RNF216: variants seen among roughly 807,000 people sequenced by gnomAD.
RNF216 encodes the protein ring finger protein 216, also known as E3 ubiquitin-protein ligase RNF216.
RNF216 carries 72 observed loss-of-function variants against 110.8 expected under a neutral mutation model. The observed-to-expected ratio is 0.65, with a 90% CI of 0.54 to 0.79. The LOEUF (loss-of-function observed/expected upper bound fraction) is 0.79. Ranked by LOEUF, RNF216 falls within the 30% of genes least tolerant of loss-of-function variation. The pLI is 0.00. For missense variants in RNF216, 1,342 were observed against 1,141.2 expected, an observed-to-expected ratio of 1.18 and a Z score of -2.54; for synonymous variants, 495 against 407.5, an observed-to-expected ratio of 1.21 and a Z score of -2.59.
At chr7:5,660,943 GTTTTTTTTTTTTT>G (rs1168463360) in intron 13 of RNF216, among the ~76,000 whole-genome samples, 10 of 90,150 alleles carry the variant, frequency 1.1e-4, no homozygotes, top group Admixed American at 7.2e-4. Flanking sequence ...GAAGCCTTAG[GTTTTTTTTTTTTT>G]TTTTTTTTTT....
chr7:5,674,521 G>A (rs890328360), intron 13 of RNF216, among the ~76,000 whole-genome samples: 10 of 151,552 alleles, frequency 6.6e-5, no homozygotes, highest in African/African-American at 1.2e-4. Context: ...CCAGCTAATC[G>A]GGAGGCCAAG....
intron 5 of RNF216, among the ~76,000 whole-genome samples, chr7:5,735,798 T>C (rs1478915758): frequency 6.6e-6 from 1 of 152,172 alleles, no homozygotes; most frequent in East Asian, 1.9e-4. Flanking sequence ...GTAAAATTGA[T>C]AAAGATTAAG....
intron 3 of RNF216, among the ~76,000 whole-genome samples, chr7:5,749,147 G>A (rs956402761): frequency 9.5e-6 from 1 of 105,160 alleles, no homozygotes; most frequent in Non-Finnish European, 1.8e-5. Flanking sequence ...AAATGCCCAT[G>A]TATTTTTTTT....
intron 8 of RNF216, among the ~76,000 whole-genome samples, chr7:5,724,547 A>G (rs973899479): frequency 5.3e-5 from 8 of 152,208 alleles, no homozygotes; most frequent in Non-Finnish European, 7.4e-5. Context: ...GGCGAATGTC[A>G]TGTCAGCAGA....
rs1786612299 is a variant in RNF216, at chr7:5,624,890, C to G, written c.2383-765G>C. On this transcript the variant is annotated intron_variant, in intron 15 of 16. Transcript: ENST00000389902. This position sits in a 1 kb window ranked among gnomAD's most constrained non-coding sequence, Gnocchi z 4.4. ...CCACATGCAGCTCCCACACCCCCACCTGCCAGCAGACACCATGGTGGGAGG... is the reference window on the plus strand; with the variant it reads ...CCACATGCAGCTCCCACACCCCCACGTGCCAGCAGACACCATGGTGGGAGG... 6.6e-6 allele frequency among the ~76,000 whole-genome samples: 1 copy of G among 152,278 alleles called. No individual in the cohort carries two copies. Among genetic ancestry groups the G allele is most frequent in the African/African-American group, 2.4e-5 (1 of 41,482 alleles).
At chr7:5,659,640 G>A (rs1174189267) in intron 13 of RNF216, among the ~76,000 whole-genome samples, 1 of 152,226 alleles carries the variant, frequency 6.6e-6, no homozygotes, top group Non-Finnish European at 1.5e-5. Context: ...TGCTGGGGTT[G>A]TAGGACCTTG....
intron 1 of RNF216, chr7:5,779,901 C>T (rs1796988535): frequency 6.6e-6 from 1 of 151,396 alleles, no homozygotes; most frequent in Admixed American, 6.6e-5. Context: ...GGACATACTA[C>T]ATCTAAAACG....
At chr7:5,639,181 G>A (rs1274697896) in intron 15 of RNF216, among the ~76,000 whole-genome samples, 1 of 152,118 alleles carries the variant, frequency 6.6e-6, no homozygotes, top group East Asian at 1.9e-4. Context: ...TTAAGAGATA[G>A]GGAAGCAGGC....
At position 5,741,272 on chromosome 7, in the gene RNF216, C is replaced by A. The variant is rs200838092; in HGVS notation, c.745G>T (p.Val249Phe). ...NQQPREITNQ[V>F]VPQERQPEAE... The stretch of plus-strand genomic sequence containing the variant: ...TCAGGCTGCCGTTCCTGAGGAACGA[C>A]CTGGTTTGTTATTTCACGGGGCTGT... The change falls in exon 4 of 17, where the codon GTC (valine) becomes TTC (phenylalanine). Residue 249 changes from valine to phenylalanine, a missense_variant. Val to Phe is a conservative substitution (Grantham distance 50, BLOSUM62 -1). Coordinates refer to ENST00000389902, the MANE Select transcript of RNF216 (RefSeq NM_207111.4). 1.4e-4 allele frequency: 218 copies of A among 1,614,072 alleles called. No individual in the cohort carries two copies. The East Asian group carries it at 2.2e-3, about 16-fold the overall frequency.
chr7:5,675,303 G>C (rs1195515957), intron 13 of RNF216, among the ~76,000 whole-genome samples: 1 of 152,148 alleles, frequency 6.6e-6, no homozygotes, highest in East Asian at 1.9e-4. Flanking sequence ...AAGCCCCAGA[G>C]GGGACAGGCT....
intron 14 of RNF216, among the ~76,000 whole-genome samples, chr7:5,641,673 T>G (rs548222929): frequency 1.3e-5 from 2 of 152,176 alleles, no homozygotes; most frequent in Admixed American, 6.5e-5. Context: ...TACCCTGGCA[T>G]AGTGCCCAGT....
intron 13 of RNF216, among the ~76,000 whole-genome samples, chr7:5,704,389 G>A (rs1302939978): frequency 2.0e-5 from 3 of 152,180 alleles, no homozygotes; most frequent in East Asian, 3.8e-4. Flanking sequence ...TTAAATATCA[G>A]GAATCCTCAA....
At chr7:5,776,594 CAA>C (rs35304255) in intron 1 of RNF216, among the ~76,000 whole-genome samples, 8 of 62,460 alleles carry the variant, frequency 1.3e-4, no homozygotes, top group South Asian at 6.1e-4. Context: ...GACTCCGTCT[CAA>C]AAAAAAAAAA....
rs762819460 is a variant in RNF216 at position 5,624,120 on chromosome 7, A to G, written c.2388T>C (p.Asp796=). 3.0e-5 allele frequency: 48 copies of G among 1,613,140 alleles called. No individual in the cohort carries two copies. The highest frequency in any genetic ancestry group is 1.9e-4 in the South Asian group (17 of 90,998). The change falls in exon 16 of 17, where the codon GAT becomes GAC. Residue 796 remains aspartate (D), a synonymous_variant. Transcript: ENST00000389902. This position sits in a 1 kb window ranked among gnomAD's most constrained non-coding sequence, Gnocchi z 4.4. ...RCSLWTDPTE[D]DEKLIEEIQK... is the part of the protein sequence containing the mutation. ...GGATTTCCTCAATAAGCTTCTCATC[A>G]TCTTCCTAAAACGCAAGCAATGAGA...
intron 13 of RNF216, among the ~76,000 whole-genome samples, chr7:5,705,870 G>A (rs1190115640): frequency 6.6e-6 from 1 of 151,666 alleles, no homozygotes; most frequent in East Asian, 1.9e-4. Context: ...TCATACCATT[G>A]CACTCCAGCC....
At chr7:5,672,169 G>A (rs1430522083) in intron 13 of RNF216, among the ~76,000 whole-genome samples, 1 of 152,160 alleles carries the variant, frequency 6.6e-6, no homozygotes, top group East Asian at 1.9e-4. Context: ...CCTGATTCTG[G>A]GAGACAGATG....
At chr7:5,701,593 T>G (rs1261686583) in intron 13 of RNF216, among the ~76,000 whole-genome samples, 1 of 152,218 alleles carries the variant, frequency 6.6e-6, no homozygotes, top group Non-Finnish European at 1.5e-5. Flanking sequence ...GGAAAGGAAA[T>G]GTGGCTTAGG....
rs149012430 is a variant in RNF216, at chr7:5,623,088, G to T, written c.2544C>A (p.Asn848Lys). ...AGGGTGGCATCTGTGGCTGTGGCAG[G>T]TTCTGCGGAACGGGCCTCGGGAGGG... ...VEALPRPVPQ[N>K]LPQPQMPPYA... The change falls in exon 17 of 17, where the codon AAC becomes AAA. Residue 848 changes from asparagine to lysine, a missense_variant. Coordinates refer to ENST00000389902, the MANE Select transcript of RNF216 (RefSeq NM_207111.4). 34 of 1,611,636 alleles carry T rather than the reference G, an allele frequency of 2.1e-5. No homozygotes were observed. The highest frequency in any genetic ancestry group is 2.7e-5 in the Non-Finnish European group (32 of 1,178,110).
intron 1 of RNF216, among the ~76,000 whole-genome samples, chr7:5,766,160 T>C (rs889940203): frequency 2.6e-5 from 4 of 151,720 alleles, no homozygotes; most frequent in South Asian, 2.1e-4. Flanking sequence ...CGGGGTGGCA[T>C]GTACCTATAG....
Sources: gnomAD v4.1 joint callset for allele counts (sites outside exome capture counted in the v4.1 genomes callset) on GRCh38, gnomAD v4.1.1 for gene constraint, Gnocchi (gnomAD v3.1) non-coding constraint, MANE v1.5 for transcripts, NCBI Gene and HGNC (gene_info 2026-07-23, HGNC 2026-07-21) for gene names.